The following SH3RF3 variants were observed in gnomAD, a reference collection of about 807,000 sequenced individuals.
The protein encoded by SH3RF3 is SH3 domain containing ring finger 3, also known as E3 ubiquitin-protein ligase SH3RF3.
A neutral mutation model predicts 66.3 loss-of-function variants in SH3RF3; 29 were observed. That is an observed-to-expected ratio of 0.44 (90% CI 0.33 to 0.60). The LOEUF (loss-of-function observed/expected upper bound fraction) is 0.60. Among genes scored for constraint, SH3RF3 ranks in the 20% least tolerant of loss-of-function variants. The probability of loss-of-function intolerance (pLI) is 0.04; values close to 1 mark genes in which losing one functional copy is unlikely to be tolerated. For synonymous variants in SH3RF3, 583 were observed against 532.0 expected, an observed-to-expected ratio of 1.10 and a Z score of -1.32; for missense variants, 1,194 against 1,190.9, an observed-to-expected ratio of 1.00 and a Z score of -0.04.
chr2:109,131,971 C>T (rs1184444066), intron 1 of SH3RF3, among the ~76,000 whole-genome samples: 1 of 152,148 alleles, frequency 6.6e-6, no homozygotes, highest in Non-Finnish European at 1.5e-5. Flanking sequence ...GCACATGCTT[C>T]GGGAGTGGGA....
At position 109,188,537 on chromosome 2, in the gene SH3RF3, C is replaced by T. The variant is rs566452097; in HGVS notation, c.573+58424C>T. On this transcript the variant is annotated intron_variant, in intron 1 of 9. Transcript: ENST00000309415. ...ATGAAAGAGACCACGTTCAGAGAAG[C>T]GGCATCCCCCGTCATTGTGACTGCA... Among the ~76,000 whole-genome samples the T allele has an allele frequency of 3.3e-5, 5 of 152,320 alleles. No homozygotes were observed. The South Asian group carries it at 6.2e-4, about 19-fold the overall frequency.
intron 1 of SH3RF3, among the ~76,000 whole-genome samples, chr2:109,182,287 T>G (rs560374652): frequency 6.6e-6 from 1 of 152,330 alleles, no homozygotes; most frequent in East Asian, 1.9e-4. Context: ...TGAGATAGTA[T>G]GTGTGCATGT....
intron 1 of SH3RF3, among the ~76,000 whole-genome samples, chr2:109,257,667 C>T (rs1414217608): frequency 6.6e-6 from 1 of 152,160 alleles, no homozygotes; most frequent in African/African-American, 2.4e-5. Context: ...GTTTGCGCTT[C>T]AGGGAAGCCA....
chr2:109,261,764 G>C (rs1208456579), intron 1 of SH3RF3, among the ~76,000 whole-genome samples: 1 of 152,158 alleles, frequency 6.6e-6, no homozygotes, highest in Non-Finnish European at 1.5e-5. Context: ...TCAAGCCTTT[G>C]TCATGGATTT....
chr2:109,488,484 A>G (rs142744447), intron 8 of SH3RF3, among the ~76,000 whole-genome samples: 138,566 of 152,246 alleles, frequency 0.91, 63,252 homozygotes, highest in Middle Eastern at 0.99. Flanking sequence ...GCCCAGCTGC[A>G]GGGTCTCCCA....
At chr2:109,163,135 C>G (rs1677529115) in intron 1 of SH3RF3, among the ~76,000 whole-genome samples, 1 of 152,158 alleles carries the variant, frequency 6.6e-6, no homozygotes, top group Non-Finnish European at 1.5e-5. Context: ...AATTGCAGGA[C>G]CCAGCAAGGA....
intron 4 of SH3RF3, among the ~76,000 whole-genome samples, chr2:109,399,741 G>T (rs1375024655): frequency 2.0e-5 from 3 of 152,262 alleles, no homozygotes; most frequent in Non-Finnish European, 2.9e-5. Flanking sequence ...CAGGAGTTGG[G>T]CAAGTTTCCC....
chr2:109,399,542 G>A (rs1447370329), intron 4 of SH3RF3, among the ~76,000 whole-genome samples: 3 of 152,056 alleles, frequency 2.0e-5, no homozygotes, highest in Admixed American at 6.6e-5. Flanking sequence ...TTGGGAGGCC[G>A]AGGCGGGAGG....
At chr2:109,287,826 C>G (rs1249576309) in intron 1 of SH3RF3, among the ~76,000 whole-genome samples, 1 of 152,198 alleles carries the variant, frequency 6.6e-6, no homozygotes, top group Non-Finnish European at 1.5e-5. Context: ...GCGCTGCACT[C>G]TCCTGTGTGC....
At chr2:109,363,196 A>G (rs932733875) in intron 2 of SH3RF3, among the ~76,000 whole-genome samples, 3 of 149,140 alleles carry the variant, frequency 2.0e-5, no homozygotes, top group African/African-American at 4.9e-5. Context: ...TTTATTTTCT[A>G]TTTTCTCTCC....
At chr2:109,213,647 T>G (rs752272) in intron 1 of SH3RF3, among the ~76,000 whole-genome samples, 14,681 of 152,150 alleles carry the variant, frequency 0.096, 1,203 homozygotes, top group East Asian at 0.34. Flanking sequence ...CAGCAAACTG[T>G]GTGTCTACAC....
At chr2:109,230,707 G>A (rs2105183952) in intron 1 of SH3RF3, among the ~76,000 whole-genome samples, 1 of 152,340 alleles carries the variant, frequency 6.6e-6, no homozygotes, top group Admixed American at 6.5e-5. Flanking sequence ...CATCAGCTAT[G>A]TCACCAGCAT....
chr2:109,346,015 A>T (rs1481100015), intron 1 of SH3RF3, among the ~76,000 whole-genome samples: 3 of 152,166 alleles, frequency 2.0e-5, no homozygotes, highest in African/African-American at 7.2e-5. Context: ...GTGGCAGTGG[A>T]ATTATTCTGA....
At chr2:109,484,245 T>G (rs931617880) in intron 8 of SH3RF3, among the ~76,000 whole-genome samples, 3 of 152,082 alleles carry the variant, frequency 2.0e-5, no homozygotes, top group Admixed American at 6.6e-5. Flanking sequence ...TCTCATATTT[T>G]TGGTAGAGAT....
At chr2:109,173,484 A>T (rs1047803845) in intron 1 of SH3RF3, among the ~76,000 whole-genome samples, 16 of 152,154 alleles carry the variant, frequency 1.1e-4, no homozygotes, top group African/African-American at 3.9e-4. Context: ...CCACAGGCAG[A>T]TTTAAGGCTG....
intron 8 of SH3RF3, among the ~76,000 whole-genome samples, chr2:109,470,327 G>C (rs1221977331): frequency 1.3e-5 from 2 of 152,198 alleles, no homozygotes; most frequent in Non-Finnish European, 2.9e-5. Flanking sequence ...ATTTCGGGTA[G>C]ACTCCTGCTC....
At chr2:109,340,069 T>C (rs1682525337) in intron 1 of SH3RF3, among the ~76,000 whole-genome samples, 1 of 152,144 alleles carries the variant, frequency 6.6e-6, no homozygotes, top group African/African-American at 2.4e-5. Flanking sequence ...CTGTGAGCAG[T>C]AATCGGGTTA....
At chr2:109,376,761 CA>C (rs1683395274) in intron 3 of SH3RF3, among the ~76,000 whole-genome samples, 1 of 152,248 alleles carries the variant, frequency 6.6e-6, no homozygotes, top group Admixed American at 6.5e-5. Context: ...GGTAGACCCT[CA>C]TGCCCTCACC....
intron 4 of SH3RF3, among the ~76,000 whole-genome samples, chr2:109,407,535 A>ACTT (rs1676480700): frequency 6.6e-6 from 1 of 152,214 alleles, no homozygotes; most frequent in Admixed American, 6.5e-5. Context: ...GAGCTGAAGC[A>ACTT]GGACCTTCCT....
Sources: allele counts gnomAD v4.1 joint callset (sites outside exome capture counted in the v4.1 genomes callset), GRCh38; gene constraint gnomAD v4.1.1; transcripts MANE v1.5; gene names NCBI Gene and HGNC (gene_info 2026-07-23, HGNC 2026-07-21).